The following ROBO2 variants were observed in gnomAD, a reference collection of about 807,000 sequenced individuals.
ROBO2 encodes the protein roundabout homolog 2.
Under a neutral mutation model 160.8 loss-of-function variants are expected in ROBO2, and 53 were observed. The ratio of observed to expected loss-of-function variants is 0.33; its 90% CI spans 0.26 to 0.41. ROBO2 has a LOEUF of 0.41. Among genes scored for constraint, ROBO2 ranks in the 10% least tolerant of loss-of-function variants. The probability of loss-of-function intolerance (pLI) is 1.00; values close to 1 mark genes in which losing one functional copy is unlikely to be tolerated. For synonymous variants in ROBO2, 664 were observed against 611.7 expected, an observed-to-expected ratio of 1.09 and a Z score of -1.26; for missense variants, 1,577 against 1,722.4, an observed-to-expected ratio of 0.92 and a Z score of 1.49.
At chr3:75,973,024 T>A (rs1261401087) in intron 2 of ROBO2, among the ~76,000 whole-genome samples, 1 of 151,704 alleles carries the variant, frequency 6.6e-6, no homozygotes, top group African/African-American at 2.4e-5. Context: ...AGAAGATACT[T>A]CACTCAAATT....
chr3:76,359,928 T>C (rs533223276), intron 2 of ROBO2, among the ~76,000 whole-genome samples: 2 of 152,102 alleles, frequency 1.3e-5, no homozygotes, highest in South Asian at 4.1e-4. Context: ...ACATGACACA[T>C]AGAGTAAACC....
Position 77,459,795 on chromosome 3 carries a change from G to A in ROBO2, c.389-17619G>A, listed in dbSNP as rs140480558. Among the ~76,000 whole-genome samples, 122 of 152,130 alleles carry A rather than the reference G, an allele frequency of 8.0e-4. 1 individual carries two copies. The East Asian group carries it at 0.023, about 29-fold the overall frequency. ...GAAACAAGACCCAAGGAAGTAACTGGCCTTGCTAGAAGAAGAAAAAGGCCA... is the reference window on the plus strand; with the variant it reads ...GAAACAAGACCCAAGGAAGTAACTGACCTTGCTAGAAGAAGAAAAAGGCCA... On this transcript the variant is annotated intron_variant, in intron 2 of 25. Coordinates refer to ENST00000461745, the Ensembl canonical transcript of ROBO2.
chr3:76,366,984 CA>C (rs1432179824), intron 2 of ROBO2, among the ~76,000 whole-genome samples: 1 of 151,854 alleles, frequency 6.6e-6, no homozygotes, highest in East Asian at 1.9e-4. Context: ...TACTGTTAGC[CA>C]AATTAGTGTG....
intron 2 of ROBO2, among the ~76,000 whole-genome samples, chr3:76,357,620 A>G (rs2075252900): frequency 6.6e-6 from 1 of 151,990 alleles, no homozygotes; most frequent in Non-Finnish European, 1.5e-5. Flanking sequence ...ATGGATACAT[A>G]TATCCAATCA....
chr3:77,491,763 TG>T, intron 4 of ROBO2, among the ~76,000 whole-genome samples: 1 of 152,290 alleles, frequency 6.6e-6, no homozygotes, highest in East Asian at 1.9e-4. Flanking sequence ...AAATTCTATT[TG>T]TCTTGTTTTA....
At chr3:76,093,560 A>C (rs2069321126) in intron 2 of ROBO2, among the ~76,000 whole-genome samples, 1 of 149,196 alleles carries the variant, frequency 6.7e-6, no homozygotes, top group Admixed American at 6.7e-5. Context: ...TTTTATAGTT[A>C]TATATATTTA....
chr3:77,493,464 C>A, intron 5 of ROBO2, 82 bp downstream of exon 5: 2 of 1,419,104 alleles, frequency 1.4e-6, no homozygotes, highest in Non-Finnish European at 2.0e-6. Context: ...ATGCCACCAC[C>A]AAACACTCCT....
intron 2 of ROBO2, among the ~76,000 whole-genome samples, chr3:76,547,191 T>C (rs894942563): frequency 6.6e-6 from 1 of 152,060 alleles, no homozygotes; most frequent in Non-Finnish European, 1.5e-5. Flanking sequence ...ATGTTTTTAA[T>C]AGCAAATTCT....
At chr3:77,636,161 A>C (rs1040988684) in intron 24 of ROBO2, among the ~76,000 whole-genome samples, 3 of 152,174 alleles carry the variant, frequency 2.0e-5, no homozygotes, top group Admixed American at 6.5e-5. Context: ...TTGGGGGTAC[A>C]CAAACATCCA....
chr3:76,394,748 A>T (rs1378542424), intron 2 of ROBO2, among the ~76,000 whole-genome samples: 1 of 152,128 alleles, frequency 6.6e-6, no homozygotes, highest in East Asian at 1.9e-4. Flanking sequence ...CATAACGGTA[A>T]AGGGATCAAT....
intron 2 of ROBO2, among the ~76,000 whole-genome samples, chr3:77,285,665 T>G (rs778781299): frequency 1.3e-5 from 2 of 152,240 alleles, no homozygotes; most frequent in Non-Finnish European, 2.9e-5. Context: ...TCACGTTCAC[T>G]CTCTATCTTA....
intron 2 of ROBO2, among the ~76,000 whole-genome samples, chr3:76,135,817 T>C (rs1516468): frequency 0.38 from 58,100 of 151,958 alleles, 11,309 homozygotes; most frequent in East Asian, 0.47. Flanking sequence ...ATTTTTTCTT[T>C]TGAACAACAA....
intron 2 of ROBO2, among the ~76,000 whole-genome samples, chr3:77,306,341 A>G (rs577351192): frequency 6.6e-6 from 1 of 152,270 alleles, no homozygotes; most frequent in Admixed American, 6.5e-5. Context: ...ATACAATTCT[A>G]TTAATAAAAT....
At chr3:77,268,958 T>C (rs774549485) in intron 2 of ROBO2, among the ~76,000 whole-genome samples, 1 of 152,164 alleles carries the variant, frequency 6.6e-6, no homozygotes, top group Non-Finnish European at 1.5e-5. Flanking sequence ...CAGAAAACAA[T>C]TTGTCTTTTA....
At chr3:76,521,689 A>T (rs2081626021) in intron 2 of ROBO2, among the ~76,000 whole-genome samples, 1 of 152,210 alleles carries the variant, frequency 6.6e-6, no homozygotes, top group Non-Finnish European at 1.5e-5. Flanking sequence ...ATTGCAAAGT[A>T]AAGGCTGGAA....
At chr3:75,937,194 A>G (rs1277841167) in intron 1 of ROBO2, among the ~76,000 whole-genome samples, 4 of 152,234 alleles carry the variant, frequency 2.6e-5, no homozygotes, top group Non-Finnish European at 5.9e-5. Flanking sequence ...CAATATGTAT[A>G]TTGGGAGTAC....
At position 77,593,242 on chromosome 3, in the gene ROBO2, T is replaced by A. The variant is rs536471426; in HGVS notation, c.2684-1900T>A. 4.0e-5 allele frequency among the ~76,000 whole-genome samples: 6 copies of A among 151,640 alleles called. No individual in the cohort carries two copies. The East Asian group carries it at 1.2e-3, about 29-fold the overall frequency. ...AAAAAAAAAAACACAAACTAGAAAG[T>A]CACATCAGATGGAAAGCTAATTAGC... On this transcript the variant is annotated intron_variant, in intron 17 of 25. Transcript: ENST00000461745.
At chr3:76,437,314 C>T (rs190356230) in intron 2 of ROBO2, among the ~76,000 whole-genome samples, 1 of 152,160 alleles carries the variant, frequency 6.6e-6, no homozygotes, top group Admixed American at 6.6e-5. Flanking sequence ...ATACTGCTCT[C>T]TAGTTAGAGT....
At chr3:77,178,887 G>C (rs1485630517) in intron 2 of ROBO2, among the ~76,000 whole-genome samples, 1 of 151,976 alleles carries the variant, frequency 6.6e-6, no homozygotes, top group African/African-American at 2.4e-5. Context: ...GTTCTCTCTA[G>C]TCTTAGTGTG....
Sources: allele counts gnomAD v4.1 joint callset (sites outside exome capture counted in the v4.1 genomes callset), GRCh38; gene constraint gnomAD v4.1.1; transcripts MANE v1.5; gene names NCBI Gene and HGNC (gene_info 2026-07-23, HGNC 2026-07-21).